The following ZNF280D variants were observed in gnomAD, a reference collection of about 807,000 sequenced individuals.
ZNF280D encodes zinc finger protein 280D.
Under a neutral mutation model 94.7 loss-of-function variants are expected in ZNF280D, and 39 were observed. The ratio of observed to expected loss-of-function variants is 0.41; its 90% CI spans 0.32 to 0.54. The LOEUF is 0.54. Ranked by LOEUF, ZNF280D falls within the 20% of genes least tolerant of loss-of-function variation. The probability of loss-of-function intolerance (pLI) is 0.22; values close to 1 mark genes in which losing one functional copy is unlikely to be tolerated. For synonymous variants in ZNF280D, 398 were observed against 377.6 expected (o/e 1.05, Z -0.63); for missense variants, 1,090 against 1,149.3 (o/e 0.95, Z 0.75).
chr15:56,638,981 C>CA (rs570596392), intron 20 of ZNF280D, among the ~76,000 whole-genome samples: 69 of 148,640 alleles, frequency 4.6e-4, no homozygotes, highest in Non-Finnish European at 2.5e-4. Flanking sequence ...TGAAAAATAC[C>CA]AAAAAAAACA....
At chr15:56,645,593 C>T (rs942596708) in intron 19 of ZNF280D, among the ~76,000 whole-genome samples, 7 of 152,144 alleles carry the variant, frequency 4.6e-5, no homozygotes, top group African/African-American at 1.7e-4. Flanking sequence ...GTTGCCCAGG[C>T]TGGAGTGCAA....
At chr15:56,715,238 T>A (rs565010230) in intron 1 of ZNF280D, among the ~76,000 whole-genome samples, 2 of 152,270 alleles carry the variant, frequency 1.3e-5, no homozygotes, top group African/African-American at 4.8e-5. Flanking sequence ...GGAAGAAACA[T>A]ATGCATTAAT....
intron 1 of ZNF280D, among the ~76,000 whole-genome samples, chr15:56,727,378 G>C (rs924554831): frequency 6.6e-6 from 1 of 152,142 alleles, no homozygotes; most frequent in African/African-American, 2.4e-5. Flanking sequence ...AGAATCACTT[G>C]AACCCGGGAA....
Position 56,733,451 on chromosome 15 carries a change from C to T in ZNF280D, c.-86+7G>A, listed in dbSNP as rs1489892785. Reference sequence around the variant, plus strand: ...CGCAGGGCGGGCGGGGGCGGGGGGGCGCTTACCGTGAGCGGAGCGGATCGG... The same window carrying T: ...CGCAGGGCGGGCGGGGGCGGGGGGGTGCTTACCGTGAGCGGAGCGGATCGG... On this transcript the variant is annotated splice_region_variant and intron_variant, in intron 1 of 21. Transcript: ENST00000267807. 16 of 1,068,000 alleles carry T rather than the reference C, an allele frequency of 1.5e-5. No homozygotes were observed. Among genetic ancestry groups the T allele is most frequent in the Non-Finnish European group, 1.8e-5 (16 of 877,950 alleles). 66.2% of individuals were successfully genotyped at this position (1,068,000 alleles called of 1,614,324 possible).
At chr15:56,732,012 T>C (rs2058917517) in intron 1 of ZNF280D, among the ~76,000 whole-genome samples, 4 of 152,078 alleles carry the variant, frequency 2.6e-5, no homozygotes, top group South Asian at 4.1e-4. Flanking sequence ...AAAAGTAAAG[T>C]ATAAAAATAT....
At chr15:56,720,970 T>TGGG (rs58898538) in intron 1 of ZNF280D, among the ~76,000 whole-genome samples, 97 of 26,482 alleles carry the variant, frequency 3.7e-3, no homozygotes, top group Non-Finnish European at 8.4e-3. Flanking sequence ...GCATTTTTTT[T>TGGG]GGGGGGGGGG....
intron 16 of ZNF280D, among the ~76,000 whole-genome samples, chr15:56,666,112 C>G (rs1170235123): frequency 6.6e-6 from 1 of 152,156 alleles, no homozygotes; most frequent in African/African-American, 2.4e-5. Flanking sequence ...GCCTGGGCAA[C>G]AGAGCGAGAC....
At chr15:56,682,638 A>C (rs1390360524) in intron 9 of ZNF280D, among the ~76,000 whole-genome samples, 161 bp from the exon 10 acceptor site, 2 of 152,080 alleles carry the variant, frequency 1.3e-5, no homozygotes, top group Non-Finnish European at 2.9e-5. Flanking sequence ...GTGCATGTAC[A>C]TAGTCTAAAA....
intron 1 of ZNF280D, among the ~76,000 whole-genome samples, chr15:56,710,231 T>G (rs1419160594): frequency 6.6e-6 from 1 of 151,972 alleles, no homozygotes; most frequent in East Asian, 1.9e-4. Context: ...AGAGTCAAAC[T>G]GTCTCTACTA....
intron 6 of ZNF280D, chr15:56,698,293 T>C (rs1357271533): frequency 1.3e-5 from 2 of 152,150 alleles, no homozygotes; most frequent in African/African-American, 4.8e-5. Context: ...ACATAGTTCA[T>C]TACACAATAT....
At chr15:56,718,639 C>T (rs1388680927) in intron 1 of ZNF280D, among the ~76,000 whole-genome samples, 2 of 152,118 alleles carry the variant, frequency 1.3e-5, no homozygotes. Flanking sequence ...GGAATATCTT[C>T]CTCTTCAAAA....
At chr15:56,699,736 T>C (rs1465154835) in intron 6 of ZNF280D, 2 of 236,976 alleles carry the variant, frequency 8.4e-6, no homozygotes, top group African/African-American at 4.7e-5. Context: ...AAGACAACTA[T>C]CATACTTCAG....
intron 9 of ZNF280D, among the ~76,000 whole-genome samples, chr15:56,682,938 T>C (rs1292623671): frequency 6.6e-6 from 1 of 152,054 alleles, no homozygotes; most frequent in Non-Finnish European, 1.5e-5. Flanking sequence ...ATACAAAAAT[T>C]ATATAATATA....
intron 1 of ZNF280D, among the ~76,000 whole-genome samples, chr15:56,720,975 G>GGT (rs1555428082): frequency 3.3e-5 from 3 of 90,408 alleles, no homozygotes; most frequent in African/African-American, 1.2e-4. Flanking sequence ...TTTTTTGGGG[G>GGT]GGGGGGGGAC....
chr15:56,642,276 C>T (rs1316096544), intron 20 of ZNF280D, among the ~76,000 whole-genome samples: 1 of 151,758 alleles, frequency 6.6e-6, no homozygotes, highest in Admixed American at 6.6e-5. Flanking sequence ...TGGAAGAAGG[C>T]TGATACTTCT....
chr15:56,658,477 A>C lies in ZNF280D; in HGVS notation c.2004T>G (p.Ser668Arg). 6.3e-7 allele frequency: 1 copy of C among 1,577,350 alleles called. No individual in the cohort carries two copies. The highest frequency in any genetic ancestry group is 8.6e-7 in the Non-Finnish European group (1 of 1,166,978). The change falls in exon 17 of 22, where the codon AGT (serine) becomes AGG (arginine). Residue 668 changes from serine to arginine, a missense_variant. By Grantham distance (110) the Ser-to-Arg change is moderately radical. This residue lies in a region of ZNF280D where 577 missense variants were observed against 568.8 expected (regional missense o/e 1.01). Transcript: ENST00000267807. ...TACAAAACCTTTTGCTTGGACGGTT[A>C]CTATGAAAGCTGGAGAAACAAAAGA... ...AYVNHMMSFH[S>R]NRPSKRFCIF... is the part of the protein sequence containing the mutation.
intron 14 of ZNF280D, chr15:56,668,152 C>A (rs2054421723): frequency 4.4e-6 from 2 of 454,500 alleles, no homozygotes; most frequent in Non-Finnish European, 8.8e-6. Flanking sequence ...GGAAAGTACC[C>A]AAAGCCAAAA....
chr15:56,644,680 T>C (rs145962959), intron 19 of ZNF280D, among the ~76,000 whole-genome samples: 5 of 152,148 alleles, frequency 3.3e-5, no homozygotes. Context: ...ATATGCCTAT[T>C]ATAATAAATT....
At position 56,668,872 on chromosome 15, in the gene ZNF280D, C is replaced by T. The variant is rs777989146; in HGVS notation, c.1496G>A (p.Arg499Gln). Residue 499 changes from arginine to glutamine, a missense_variant, in exon 14 of 22, where the codon CGA (arginine) becomes CAA (glutamine). Physicochemically the swap from Arg to Gln is conservative, Grantham distance 43 (BLOSUM62 1). Coordinates refer to ENST00000267807, the MANE Select transcript of ZNF280D (RefSeq NM_017661.4). ...TAGTTGTTTAGGTTTTATAAATGTT[C>T]GATGGTGTTGAGTCTTATGATCCAT... The part of the protein sequence containing the change: ...EKMDHKTQHH[R>Q]TFIKPKQLEG... 8.7e-6 allele frequency: 14 copies of T among 1,610,950 alleles called. No individual in the cohort carries two copies. Among genetic ancestry groups the T allele is most frequent in the East Asian group, 4.5e-5 (2 of 44,598 alleles).
Sources: allele counts gnomAD v4.1 joint callset (sites outside exome capture counted in the v4.1 genomes callset), GRCh38; gene constraint gnomAD v4.1.1; regional missense constraint gnomAD v4.1.1; transcripts MANE v1.5; gene names NCBI Gene and HGNC (gene_info 2026-07-23, HGNC 2026-07-21).